DCAKD: variants seen among roughly 807,000 people sequenced by gnomAD.
DCAKD encodes dephospho-CoA kinase domain-containing protein.
DCAKD carries 15 observed loss-of-function variants against 18.7 expected under a neutral mutation model. The observed-to-expected ratio is 0.80, with a 90% CI of 0.54 to 1.24. The LOEUF (loss-of-function observed/expected upper bound fraction) is 1.24, where lower values mean the gene tolerates loss of function less well. Ranked by LOEUF, DCAKD falls within the 50% of genes most tolerant of loss-of-function variation. The pLI, the probability that DCAKD is intolerant of heterozygous loss-of-function variation, is 0.00. For synonymous variants in DCAKD, 130 were observed against 133.0 expected (o/e 0.98, Z 0.16); for missense variants, 301 against 322.0 (o/e 0.93, Z 0.50).
intron 1 of DCAKD, among the ~76,000 whole-genome samples, chr17:45,059,473 C>T (rs2053824818): frequency 2.6e-5 from 4 of 152,086 alleles, no homozygotes; most frequent in Admixed American, 2.6e-4. Flanking sequence ...AGGAAATTTC[C>T]AAGAATGGGA....
intron 1 of DCAKD, among the ~76,000 whole-genome samples, chr17:45,058,645 C>A (rs1314734728): frequency 6.6e-6 from 1 of 151,588 alleles, no homozygotes; most frequent in Non-Finnish European, 1.5e-5. Flanking sequence ...TGGTCTCGAA[C>A]TCCTGACCTC....
upstream of DCAKD, among the ~76,000 whole-genome samples, chr17:45,055,190 T>G (rs7216316): frequency 0.014 from 2,182 of 152,278 alleles, 61 homozygotes; most frequent in African/African-American, 0.049. Context: ...TGTAGCTACT[T>G]ACACAATCTC....
chr17:45,038,386 G>T (rs1214244913), intron 1 of DCAKD, among the ~76,000 whole-genome samples: 1 of 152,190 alleles, frequency 6.6e-6, no homozygotes, highest in Non-Finnish European at 1.5e-5. Flanking sequence ...TTTTACAGCA[G>T]TGGAGACTGA....
intron 1 of DCAKD, among the ~76,000 whole-genome samples, chr17:45,050,166 G>A (rs2053660897): frequency 6.6e-6 from 1 of 151,752 alleles, no homozygotes; most frequent in African/African-American, 2.4e-5. Flanking sequence ...TCAGCCTCCC[G>A]AGTAGCTGGG....
intron 1 of DCAKD, among the ~76,000 whole-genome samples, chr17:45,058,658 G>A (rs1156263980): frequency 1.3e-5 from 2 of 150,540 alleles, no homozygotes; most frequent in Non-Finnish European, 3.0e-5. Flanking sequence ...CTGACCTCAG[G>A]TGATCCACCC....
At position 45,041,467 on chromosome 17, in the gene DCAKD, T is replaced by C. The variant is rs568064236; in HGVS notation, c.-114-6468A>G. 1.8e-3 allele frequency among the ~76,000 whole-genome samples: 271 copies of C among 152,226 alleles called. 2 individuals carry two copies. Among genetic ancestry groups the C allele is most frequent in the Non-Finnish European group, 2.9e-3 (198 of 68,006 alleles). On this transcript the variant is annotated intron_variant, in intron 1 of 4. Coordinates refer to ENST00000651974, the MANE Select transcript of DCAKD (RefSeq NM_001288655.2). Reference sequence around the variant, plus strand: ...CTGAGGCTACAGGCGCCTGCCATCATGCCCGGCTAATTTTTTGTATTTTTA... The same window carrying C: ...CTGAGGCTACAGGCGCCTGCCATCACGCCCGGCTAATTTTTTGTATTTTTA...
chr17:45,040,247 C>A (rs150032562), intron 1 of DCAKD, among the ~76,000 whole-genome samples: 4,942 of 151,840 alleles, frequency 0.033, 104 homozygotes, highest in Non-Finnish European at 0.049. Flanking sequence ...ATTAGCCAGG[C>A]ATGGTGGCGC....
chr17:45,056,479 T>TG (rs35822180), upstream of DCAKD, among the ~76,000 whole-genome samples: 1 of 150,878 alleles, frequency 6.6e-6, no homozygotes, highest in Non-Finnish European at 1.5e-5. Context: ...TTTATATATA[T>TG]TTTTTTTTTC....
chr17:45,058,490 G>A (rs1431136766), intron 1 of DCAKD, among the ~76,000 whole-genome samples: 1 of 151,642 alleles, frequency 6.6e-6, no homozygotes, highest in African/African-American at 2.4e-5. Flanking sequence ...CAGAATCTTG[G>A]CTTACTGCAA....
intron 3 of DCAKD, 39 bp from the exon 4 acceptor site, chr17:45,030,218 A>T: frequency 6.3e-7 from 1 of 1,580,558 alleles, no homozygotes; most frequent in Non-Finnish European, 8.7e-7. Context: ...TCAATTCTGC[A>T]AGCGCACACT....
chr17:45,026,709 T>C, intron 4 of DCAKD: 1 of 985,394 alleles, frequency 1.0e-6, no homozygotes, highest in Non-Finnish European at 1.2e-6. Context: ...TTATACGAGC[T>C]ATAGATTTCC....
At chr17:45,056,894 A>C (rs1417273971) in intron 1 of DCAKD, among the ~76,000 whole-genome samples, 1 of 151,786 alleles carries the variant, frequency 6.6e-6, no homozygotes, top group East Asian at 1.9e-4. Flanking sequence ...CAGCCTACCA[A>C]GTAGCTGGGA....
At chr17:45,045,881 A>G (rs113123236) in intron 1 of DCAKD, among the ~76,000 whole-genome samples, 13,708 of 151,824 alleles carry the variant, frequency 0.09, 719 homozygotes, top group East Asian at 0.15. Context: ...GCTGGAATGC[A>G]ATGGTGCGGT....
At chr17:45,050,958 C>T (rs2053681489) in intron 1 of DCAKD, among the ~76,000 whole-genome samples, 2 of 152,336 alleles carry the variant, frequency 1.3e-5, no homozygotes, top group South Asian at 4.1e-4. Flanking sequence ...TCCCGGGGGC[C>T]TTCACTAAAA....
chr17:45,039,570 T>C (rs1169607153), intron 1 of DCAKD, among the ~76,000 whole-genome samples: 2 of 152,194 alleles, frequency 1.3e-5, no homozygotes, highest in Non-Finnish European at 2.9e-5. Flanking sequence ...CTGAATTCTG[T>C]GATAAAACTA....
intron 3 of DCAKD, chr17:45,032,088 C>G: frequency 1.0e-6 from 1 of 985,428 alleles, no homozygotes; most frequent in Non-Finnish European, 1.2e-6. Context: ...GGGAGAGCCA[C>G]TGCCGCCTCG....
intron 4 of DCAKD, among the ~76,000 whole-genome samples, chr17:45,027,141 G>C (rs192219163): frequency 6.6e-6 from 1 of 152,308 alleles, no homozygotes; most frequent in Admixed American, 6.5e-5. Context: ...AGGAGCTTGA[G>C]ACCAGCCTGG....
In DCAKD at chr17:45,030,109, G is replaced by A. The variant is rs142207624; in HGVS notation, c.387C>T (p.His129=). The A allele has an allele frequency of 1.2e-6, 2 of 1,614,048 alleles. No individual in the cohort carries two copies. Among genetic ancestry groups the A allele is most frequent in the African/African-American group, 1.3e-5 (1 of 75,040 alleles). Residue 129 remains histidine, a synonymous_variant, in exon 4 of 5, where the codon CAC becomes CAT. Coordinates refer to ENST00000651974, the MANE Select transcript of DCAKD (RefSeq NM_001288655.2). The stretch of plus-strand genomic sequence containing the variant: ...ACACTCACCAGTATACTACCACGGT[G>A]TGCTTCATGTACTTGAGCAACTTCT... ...ETKKLLKYMK[H]TVVVYCDRDT...
chr17:45,043,930 A>G (rs562718640), intron 1 of DCAKD, among the ~76,000 whole-genome samples: 17 of 152,014 alleles, frequency 1.1e-4, no homozygotes, highest in African/African-American at 4.1e-4. Context: ...CACAGCCCAC[A>G]AGGAGCCCCC....
Sources: gnomAD v4.1 joint callset for allele counts (sites outside exome capture counted in the v4.1 genomes callset) on GRCh38, gnomAD v4.1.1 for gene constraint, MANE v1.5 for transcripts, NCBI Gene and HGNC (gene_info 2026-07-23, HGNC 2026-07-21) for gene names.